PKD1: variants seen among roughly 807,000 people sequenced by gnomAD.
PKD1 encodes the protein polycystin 1, transient receptor potential channel interacting, also known as polycystin-1.
A neutral mutation model predicts 361.7 loss-of-function variants in PKD1; 81 were observed. The ratio of observed to expected loss-of-function variants is 0.22; its 90% CI spans 0.19 to 0.27. The LOEUF (loss-of-function observed/expected upper bound fraction) is 0.27, where lower values mean the gene tolerates loss of function less well. Among genes scored for constraint, PKD1 ranks in the 10% least tolerant of loss-of-function variants. The pLI is 1.00. For synonymous variants in PKD1, 3,615 were observed against 2,818.3 expected (o/e 1.28, Z -8.95); for missense variants, 6,399 against 6,118.3 (o/e 1.05, Z -1.53).
At chr16:2,113,971 C>A in intron 11 of PKD1, 199 bp downstream of exon 11, 1 of 603,606 alleles carries the variant, frequency 1.7e-6, no homozygotes, top group Middle Eastern at 4.4e-4. Context: ...AGCGGAGCCA[C>A]TGTCAGAGCC....
Position 2,109,193 on chromosome 16 carries a change from A to G in PKD1, c.5974T>C (p.Phe1992Leu). The stretch of plus-strand genomic sequence containing the variant: ...GAGCCGCGCTGCACGCGGGCTGTGA[A>G]GTTCCTCTCAGTGCCCGTGGCGATG... ...PGIATGTERNFTARVQRGSRV... is the reference protein window; with the variant it reads ...PGIATGTERNLTARVQRGSRV... The change falls in exon 15 of 46, where the codon TTC becomes CTC. Residue 1992 changes from phenylalanine to leucine, a missense_variant. Phe to Leu is a conservative substitution (Grantham distance 22). Coordinates refer to ENST00000262304, the MANE Select transcript of PKD1 (RefSeq NM_001009944.3). The G allele has an allele frequency of 6.3e-7, 1 of 1,597,106 alleles. No homozygotes were observed. The highest frequency in any genetic ancestry group is 1.1e-5 in the South Asian group (1 of 90,808).
At chr16:2,116,770 G>A (rs1223302432) in intron 7 of PKD1, 63 bp downstream of exon 7, 8 of 1,120,056 alleles carry the variant, frequency 7.1e-6, no homozygotes, top group African/African-American at 3.1e-5. Context: ...GCTCCACCGC[G>A]GGCGCTCGGC....
rs1247568007 is a variant in PKD1, at chr16:2,106,981, G to T, written c.7066-33C>A. 36 of 1,576,554 alleles carry T rather than the reference G, an allele frequency of 2.3e-5. No individual in the cohort carries two copies. The highest frequency in any genetic ancestry group is 3.3e-5 in the Admixed American group (2 of 59,926). ...GGGAGTGGGGTTACCTCCAACACAG[G>T]TCTATTTGGCCTGCTGGAAGGACTG... On this transcript the variant is annotated intron_variant, in intron 16 of 45. Coordinates refer to ENST00000262304, the MANE Select transcript of PKD1 (RefSeq NM_001009944.3). This position sits in a 1 kb window ranked among gnomAD's most constrained non-coding sequence, Gnocchi z 6.5.
intron 1 of PKD1, among the ~76,000 whole-genome samples, chr16:2,124,745 G>A (rs887296068): frequency 1.3e-5 from 2 of 152,220 alleles, no homozygotes; most frequent in African/African-American, 4.8e-5. Context: ...GCGGGTGTGC[G>A]CCAGGCCCGG....
At chr16:2,090,628 A>G in intron 44 of PKD1, 38 bp from the exon 45 acceptor site, 2 of 1,609,568 alleles carry the variant, frequency 1.2e-6, no homozygotes, top group Non-Finnish European at 1.7e-6. Flanking sequence ...CGTACAGCTG[A>G]GCTGAGCTGA....
intron 42 of PKD1, 94 bp downstream of exon 42, chr16:2,091,329 G>GGTGCGAGGGCGGGGCC: frequency 2.6e-6 from 1 of 390,042 alleles, no homozygotes; most frequent in Non-Finnish European, 3.2e-6. Context: ...GGGGCGGGGC[G>GGTGCGAGGGCGGGGCC]CTGCGAGGGG....
rs1454122957 is a variant in PKD1 at position 2,116,622 on chromosome 16, G to A, written c.1629C>T (p.Asn543=). 6.5e-7 allele frequency: 1 copy of A among 1,550,154 alleles called. No individual in the cohort carries two copies. The highest frequency in any genetic ancestry group is 1.9e-5 in the Admixed American group (1 of 53,864). ...QPGGPVQDAE[N]LLVGAPSGDL... ...CCCCACTGGGCGCTCCCACGAGGAG[G>A]TTCTCGGCATCCTGCACTGGGCCTG... is the stretch of plus-strand genomic sequence containing the variant. Residue 543 remains asparagine, a synonymous_variant, in exon 8 of 46, where the codon AAC becomes AAT. Coordinates refer to ENST00000262304, the MANE Select transcript of PKD1 (RefSeq NM_001009944.3).
rs556708086 is a variant in PKD1 at position 2,109,182 on chromosome 16, G to A, written c.5985C>T (p.Arg1995=). ...ATGTERNFTA[R]VQRGSRVAYA... ...AGGCGACCCGAGAGCCGCGCTGCAC[G>A]CGGGCTGTGAAGTTCCTCTCAGTGC... Residue 1995 remains arginine (R), a synonymous_variant, in exon 15 of 46, where the codon CGC becomes CGT. Transcript: ENST00000262304. The A allele has an allele frequency of 5.5e-5, 88 of 1,598,496 alleles. No individual in the cohort carries two copies. The highest frequency in any genetic ancestry group is 2.0e-4 in the Middle Eastern group (1 of 5,116).
intron 21 of PKD1, 138 bp downstream of exon 21, chr16:2,105,184 G>A (rs1323223459): frequency 1.2e-6 from 1 of 847,140 alleles, no homozygotes; most frequent in Non-Finnish European, 1.9e-6. Context: ...GCAGGTCAGA[G>A]ACCGAGGAAC....
At chr16:2,104,468 G>C (rs371487571) in intron 22 of PKD1, 30 bp downstream of exon 22, 2 of 1,485,748 alleles carry the variant, frequency 1.3e-6, no homozygotes, top group Non-Finnish European at 1.8e-6. Context: ...CACGGGGCGG[G>C]CGGGTGGCAT....
At position 2,112,480 on chromosome 16, in the gene PKD1, G is replaced by A. The variant is rs2092540038; in HGVS notation, c.3162-7C>T. 2 of 1,587,250 alleles carry A rather than the reference G, an allele frequency of 1.3e-6. No homozygotes were observed. Among genetic ancestry groups the A allele is most frequent in the Non-Finnish European group, 8.5e-7 (1 of 1,175,406 alleles). Reference sequence around the variant, plus strand: ...CCCATCCCCAAAGGTCCACCTGCCGGGGCGGTGGGACGCAGTGAGTGAACC... The same window carrying A: ...CCCATCCCCAAAGGTCCACCTGCCGAGGCGGTGGGACGCAGTGAGTGAACC... On this transcript the variant is annotated splice_polypyrimidine_tract_variant and splice_region_variant and intron_variant, in intron 13 of 45. Coordinates refer to ENST00000262304, the MANE Select transcript of PKD1 (RefSeq NM_001009944.3).
rs551270517 is a variant in PKD1, at chr16:2,110,136, G to A, written c.5031C>T (p.Ala1677=). Residue 1677 remains alanine, a synonymous_variant, in exon 15 of 46, where the codon GCC becomes GCT. Coordinates refer to ENST00000262304, the MANE Select transcript of PKD1 (RefSeq NM_001009944.3). ...TAWRDRGPAL[A]GSGKGFSLTV... ...TGAGCGAGAAGCCTTTGCCGCTGCC[G>A]GCCAGGGCCGGGCCCCTGTCCCTCC... 9.1e-5 allele frequency: 147 copies of A among 1,609,518 alleles called. No individual in the cohort carries two copies. Among genetic ancestry groups the A allele is most frequent in the African/African-American group, 1.3e-4 (10 of 74,966 alleles).
chr16:2,089,290 G>C lies in PKD1; in HGVS notation c.*437C>G, dbSNP rs912603398. On this transcript the variant is annotated 3_prime_UTR_variant, in exon 46 of 46. Transcript: ENST00000262304. The stretch of plus-strand genomic sequence containing the variant: ...AACACCATATAAATTACTGACACGA[G>C]ACACACAGTGAGACGGTGCAGGGAG... The C allele has an allele frequency of 5.8e-5, 13 of 222,690 alleles. No homozygotes were observed. The highest frequency in any genetic ancestry group is 9.7e-5 in the Non-Finnish European group (11 of 112,942). 13.8% of individuals were successfully genotyped at this position (222,690 alleles called of 1,614,324 possible). A position where few individuals can be genotyped will look rare whatever the true frequency, so the allele number is the denominator to read the frequency against.
At chr16:2,128,932 TG>T (rs1414440623) in intron 1 of PKD1, among the ~76,000 whole-genome samples, 1 of 151,914 alleles carries the variant, frequency 6.6e-6, no homozygotes. Flanking sequence ...GGTGTGATAT[TG>T]GCTCACTGCA....
chr16:2,095,855 C>A (rs1228557170), intron 34 of PKD1, among the ~76,000 whole-genome samples: 1 of 152,184 alleles, frequency 6.6e-6, no homozygotes, highest in Non-Finnish European at 1.5e-5. Flanking sequence ...GAGCTTTGGG[C>A]CGGAGATACC....
In PKD1 at chr16:2,125,876, G is replaced by A. The variant is rs1428129837; in HGVS notation, c.216-6498C>T. Among the ~76,000 whole-genome samples, 7 of 152,224 alleles carry A rather than the reference G, an allele frequency of 4.6e-5. No homozygotes were observed. In the East Asian group the frequency reaches 7.7e-4, roughly 17 times the overall value. ...TGGGCAGGTGCTGCACTGACCTTAC[G>A]CTCCTGATGGGCACACTGAGGCTCA... is the stretch of plus-strand genomic sequence containing the variant. On this transcript the variant is annotated intron_variant, in intron 1 of 45. Coordinates refer to ENST00000262304, the MANE Select transcript of PKD1 (RefSeq NM_001009944.3).
chr16:2,129,107 C>G (rs367631445), intron 1 of PKD1, among the ~76,000 whole-genome samples: 2 of 151,842 alleles, frequency 1.3e-5, no homozygotes, highest in South Asian at 4.2e-4. Context: ...GTGATCCCCC[C>G]ACCTTGGCCT....
chr16:2,102,933 T>C lies in PKD1; in HGVS notation c.8829A>G (p.Ala2943=). ...YLSEEPEPYL[A]VYLHSEPRPN... is the part of the protein sequence containing the mutation. Reference sequence around the variant, plus strand: ...GCCGGGGCTCCGAGTGTAGGTAGACTGCCAGGTAGGGCTCAGGTTCCTCAG... The same window carrying C: ...GCCGGGGCTCCGAGTGTAGGTAGACCGCCAGGTAGGGCTCAGGTTCCTCAG... Residue 2943 remains alanine, a synonymous_variant, in exon 24 of 46, where the codon GCA becomes GCG. Coordinates refer to ENST00000262304, the MANE Select transcript of PKD1 (RefSeq NM_001009944.3). The C allele has an allele frequency of 1.9e-6, 3 of 1,608,612 alleles. No individual in the cohort carries two copies. Among genetic ancestry groups the C allele is most frequent in the Non-Finnish European group, 2.5e-6 (3 of 1,179,760 alleles).
Position 2,114,265 on chromosome 16 carries a change from C to A in PKD1, c.2758G>T (p.Ala920Ser). Residue 920 changes from alanine (A) to serine (S), a missense_variant, in exon 11 of 46, where the codon GCC becomes TCC. By Grantham distance (99) the Ala-to-Ser change is moderately conservative (BLOSUM62 1). Transcript: ENST00000262304. ...DVVVENSASR[A>S]NLSLRVTAEE... is the part of the protein sequence containing the mutation. ...GCCGTCACCCGCAGGCTGAGGTTGG[C>A]CCGGCTGGCGCTGTTTTCCACCACC... 6.2e-7 allele frequency: 1 copy of A among 1,610,308 alleles called. No individual in the cohort carries two copies. The highest frequency in any genetic ancestry group is 8.5e-7 in the Non-Finnish European group (1 of 1,179,602).
Sources: gnomAD v4.1 joint callset for allele counts (sites outside exome capture counted in the v4.1 genomes callset) on GRCh38, gnomAD v4.1.1 for gene constraint, Gnocchi (gnomAD v3.1) non-coding constraint, MANE v1.5 for transcripts, NCBI Gene and HGNC (gene_info 2026-07-23, HGNC 2026-07-21) for gene names.